Variants in C12orf42 observed in about 807,000 individuals in gnomAD.
C12orf42 encodes the protein uncharacterized protein C12orf42.
C12orf42 carries 25 observed loss-of-function variants against 21.6 expected under a neutral mutation model. That is an observed-to-expected ratio of 1.16 (90% CI 0.84 to 1.62). C12orf42 has a LOEUF of 1.62. Among genes scored for constraint, C12orf42 ranks in the 40% most tolerant of loss-of-function variants. The probability of loss-of-function intolerance (pLI) is 0.00; values close to 1 mark genes in which losing one functional copy is unlikely to be tolerated. For missense variants in C12orf42, 483 were observed against 459.3 expected, an observed-to-expected ratio of 1.05 and a Z score of -0.47; for synonymous variants, 174 against 175.0, an observed-to-expected ratio of 0.99 and a Z score of 0.05.
the C12orf42 span, among the ~76,000 whole-genome samples, chr12:103,165,534 T>C: frequency 6.6e-6 from 1 of 151,966 alleles, no homozygotes; most frequent in African/African-American, 2.4e-5. Context: ...CAGTGGCAGG[T>C]AGAGACTCAA....
At chr12:103,434,271 C>A (rs891118002) in intron 2 of C12orf42, among the ~76,000 whole-genome samples, 3 of 152,178 alleles carry the variant, frequency 2.0e-5, no homozygotes, top group Admixed American at 6.5e-5. Flanking sequence ...TAAACCAAAC[C>A]CAGGGATAAT....
chr12:103,562,199 C>T, the C12orf42 span, among the ~76,000 whole-genome samples: 1 of 152,194 alleles, frequency 6.6e-6, no homozygotes. Context: ...AACTCAATTA[C>T]TGATGCTGGA....
chr12:103,175,663 G>A, the C12orf42 span, among the ~76,000 whole-genome samples: 3 of 152,140 alleles, frequency 2.0e-5, no homozygotes, highest in Non-Finnish European at 2.9e-5. Flanking sequence ...GATGGATTAC[G>A]AAAATAGTGA....
Position 103,478,423 on chromosome 12 carries a change from A to C in C12orf42, c.4T>G (p.Ser2Ala). 6.3e-7 allele frequency: 1 copy of C among 1,579,362 alleles called. No homozygotes were observed. Among genetic ancestry groups the C allele is most frequent in the Non-Finnish European group, 8.6e-7 (1 of 1,158,972 alleles). ...CTTTGTTTCATACATATCACTGTAG[A>C]CATTAATTTGACAAGTTCAACTCCC... The part of the protein sequence containing the change: M[S>A]TVICMKQREE... Residue 2 changes from serine (S) to alanine (A), a missense_variant, in exon 2 of 6, where the codon TCT becomes GCT. Physicochemically the swap from Ser to Ala is moderately conservative, Grantham distance 99. Coordinates refer to ENST00000548883, the MANE Select transcript of C12orf42 (RefSeq NM_198521.5).
the C12orf42 span, among the ~76,000 whole-genome samples, chr12:103,085,441 C>T: frequency 1.1e-4 from 17 of 151,932 alleles, no homozygotes; most frequent in Admixed American, 9.2e-4. Flanking sequence ...CTCTCCAGCA[C>T]GCGGGTCATA....
chr12:103,367,844 T>C (rs535796986), intron 4 of C12orf42, among the ~76,000 whole-genome samples: 1 of 152,190 alleles, frequency 6.6e-6, no homozygotes, highest in African/African-American at 2.4e-5. Flanking sequence ...AAAAAACTCA[T>C]TAAAATTACA....
chr12:103,378,203 A>G (rs1219744636), intron 3 of C12orf42, among the ~76,000 whole-genome samples: 2 of 152,114 alleles, frequency 1.3e-5, no homozygotes, highest in East Asian at 3.9e-4. Flanking sequence ...CTGTTTCACC[A>G]CTAATTTTAC....
chr12:103,322,104 C>T (rs201027073), intron 4 of C12orf42, among the ~76,000 whole-genome samples: 7 of 144,538 alleles, frequency 4.8e-5, no homozygotes, highest in East Asian at 2.1e-4. Flanking sequence ...GATGTGCACG[C>T]GCGTGCGTGC....
the C12orf42 span, among the ~76,000 whole-genome samples, chr12:103,510,154 T>C: frequency 6.6e-6 from 1 of 152,174 alleles, no homozygotes; most frequent in African/African-American, 2.4e-5. Flanking sequence ...TGCGTATATA[T>C]ACATTGGAAT....
At chr12:103,279,675 T>C (rs1485610157) in intron 4 of C12orf42, among the ~76,000 whole-genome samples, 3 of 152,098 alleles carry the variant, frequency 2.0e-5, no homozygotes, top group Non-Finnish European at 4.4e-5. Context: ...TGGTTGAAAA[T>C]GACTAGGTGT....
intron 4 of C12orf42, among the ~76,000 whole-genome samples, chr12:103,315,559 TG>T (rs1221558536): frequency 1.3e-5 from 2 of 152,032 alleles, no homozygotes; most frequent in African/African-American, 4.8e-5. Context: ...ACAAGAACTG[TG>T]GGACAATTTT....
the C12orf42 span, among the ~76,000 whole-genome samples, chr12:103,181,589 T>C: frequency 6.6e-6 from 1 of 152,230 alleles, no homozygotes; most frequent in East Asian, 1.9e-4. Context: ...GGGAAGTTAA[T>C]CTGAATCCAC....
intron 4 of C12orf42, among the ~76,000 whole-genome samples, chr12:103,324,031 A>G (rs2136930999): frequency 6.6e-6 from 1 of 152,282 alleles, no homozygotes; most frequent in East Asian, 1.9e-4. Flanking sequence ...CCTCTTTAAC[A>G]CTATGGCAAA....
At chr12:103,244,096 AG>A (rs2033893870) in intron 10 of C12orf42, among the ~76,000 whole-genome samples, 1 of 152,190 alleles carries the variant, frequency 6.6e-6, no homozygotes. Context: ...ATCTGACCTC[AG>A]ACTGCCTTTA....
At chr12:103,336,523 T>G (rs531633967) in intron 4 of C12orf42, among the ~76,000 whole-genome samples, 145 of 152,324 alleles carry the variant, frequency 9.5e-4, no homozygotes, top group Non-Finnish European at 1.3e-3. Context: ...TGCAGCATTT[T>G]GTGAGTTAGA....
chr12:103,507,773 T>C, the C12orf42 span, among the ~76,000 whole-genome samples: 2 of 152,100 alleles, frequency 1.3e-5, no homozygotes, highest in Non-Finnish European at 2.9e-5. Context: ...TCCATTATAT[T>C]TGAAGAGGCA....
At chr12:103,136,985 G>A in the C12orf42 span, among the ~76,000 whole-genome samples, 2 of 151,884 alleles carry the variant, frequency 1.3e-5, no homozygotes, top group Admixed American at 1.3e-4. Flanking sequence ...AAAGATGAGG[G>A]CCTCAAGAGC....
At chr12:103,436,023 G>C (rs1353488320) in intron 2 of C12orf42, among the ~76,000 whole-genome samples, 1 of 151,924 alleles carries the variant, frequency 6.6e-6, no homozygotes. Flanking sequence ...TATCCTCAAA[G>C]GGAAGCCCAT....
At chr12:103,196,682 T>A in the C12orf42 span, among the ~76,000 whole-genome samples, 18 of 152,318 alleles carry the variant, frequency 1.2e-4, no homozygotes, top group East Asian at 3.3e-3. Flanking sequence ...TACCCTTATT[T>A]GTCCTTTTAA....
Sources: gnomAD v4.1 joint callset for allele counts (sites outside exome capture counted in the v4.1 genomes callset) on GRCh38, gnomAD v4.1.1 for gene constraint, MANE v1.5 for transcripts, NCBI Gene and HGNC (gene_info 2026-07-23, HGNC 2026-07-21) for gene names.